The following CAPSL variants were observed in gnomAD, a reference collection of about 807,000 sequenced individuals.
CAPSL encodes the protein calcyphosine like.
In CAPSL, 17 loss-of-function variants were observed where a neutral mutation model predicts 21.3. The ratio of observed to expected loss-of-function variants is 0.80; its 90% CI spans 0.55 to 1.20. The LOEUF (loss-of-function observed/expected upper bound fraction) is 1.20, where lower values mean the gene tolerates loss of function less well. Among genes scored for constraint, CAPSL ranks in the 50% most tolerant of loss-of-function variants. CAPSL has a pLI of 0.00. For missense variants in CAPSL, 289 were observed against 259.3 expected, an observed-to-expected ratio of 1.11 and a Z score of -0.79; for synonymous variants, 102 against 89.3, an observed-to-expected ratio of 1.14 and a Z score of -0.80.
rs557895881 is a variant in CAPSL at position 35,905,535 on chromosome 5, C to A, written c.526-889G>T. ...TTCCCACTAAAAACATAAGGAAGGG[C>A]AGTAGAAAGAAAGGCATTTGAACTC... is the stretch of plus-strand genomic sequence containing the variant. On this transcript the variant is annotated intron_variant, in intron 4 of 4. Coordinates refer to ENST00000651391, the MANE Select transcript of CAPSL (RefSeq NM_001042625.2). 7.2e-5 allele frequency among the ~76,000 whole-genome samples: 11 copies of A among 152,280 alleles called. No individual in the cohort carries two copies. The East Asian group carries it at 2.1e-3, about 29-fold the overall frequency.
intron 2 of CAPSL, among the ~76,000 whole-genome samples, chr5:35,915,704 C>T (rs1407959213): frequency 5.3e-5 from 8 of 152,128 alleles, no homozygotes; most frequent in Non-Finnish European, 7.3e-5. Context: ...ATTGATGGGA[C>T]GTTATCTCAA....
intron 1 of CAPSL, among the ~76,000 whole-genome samples, chr5:35,934,140 A>G (rs921412571): frequency 6.6e-6 from 1 of 152,236 alleles, no homozygotes; most frequent in Admixed American, 6.5e-5. Flanking sequence ...AATAAAGAGC[A>G]ACATGTTACA....
chr5:35,937,289 A>G (rs1172125204), intron 1 of CAPSL, among the ~76,000 whole-genome samples: 1 of 152,256 alleles, frequency 6.6e-6, no homozygotes, highest in African/African-American at 2.4e-5. Flanking sequence ...CCCCCATTGC[A>G]TACAGGTAAA....
At chr5:35,915,124 T>A (rs1162367738) in intron 2 of CAPSL, among the ~76,000 whole-genome samples, 1 of 152,146 alleles carries the variant, frequency 6.6e-6, no homozygotes, top group Non-Finnish European at 1.5e-5. Context: ...AATGGATAAA[T>A]TCCTCAACAC....
intron 2 of CAPSL, among the ~76,000 whole-genome samples, chr5:35,912,874 G>A (rs939797418): frequency 6.6e-6 from 1 of 152,174 alleles, no homozygotes; most frequent in African/African-American, 2.4e-5. Context: ...ACTTTAACAA[G>A]TTGACAGAAG....
At chr5:35,925,158 G>A (rs1211944812) in intron 1 of CAPSL, among the ~76,000 whole-genome samples, 2 of 152,254 alleles carry the variant, frequency 1.3e-5, no homozygotes, top group African/African-American at 2.4e-5. Flanking sequence ...ACACAGGTCT[G>A]CTAAGAGCTC....
chr5:35,920,489 G>A (rs181165007), intron 2 of CAPSL, among the ~76,000 whole-genome samples: 36 of 152,244 alleles, frequency 2.4e-4, no homozygotes, highest in African/African-American at 7.7e-4. Context: ...GGGAGAACAG[G>A]AGCTACCCAG....
intron 2 of CAPSL, among the ~76,000 whole-genome samples, chr5:35,913,096 G>A (rs1738276276): frequency 6.6e-6 from 1 of 152,354 alleles, no homozygotes; most frequent in East Asian, 1.9e-4. Flanking sequence ...TCAACTGGAA[G>A]AAAGGGTATC....
intron 1 of CAPSL, among the ~76,000 whole-genome samples, chr5:35,936,991 T>G (rs141352472): frequency 6.6e-6 from 1 of 152,342 alleles, no homozygotes; most frequent in African/African-American, 2.4e-5. Flanking sequence ...GGTCATTAAC[T>G]GACCATTATC....
intron 1 of CAPSL, among the ~76,000 whole-genome samples, chr5:35,928,213 A>C (rs1015630417): frequency 6.6e-6 from 1 of 152,232 alleles, no homozygotes; most frequent in Non-Finnish European, 1.5e-5. Flanking sequence ...CCTTAATTTC[A>C]TTCAGGAGGG....
chr5:35,916,346 A>C (rs575553434), intron 2 of CAPSL, among the ~76,000 whole-genome samples: 62 of 152,096 alleles, frequency 4.1e-4, no homozygotes, highest in Non-Finnish European at 8.7e-4. Context: ...CTTTCTTCAC[A>C]GAATTGGAAA....
intron 1 of CAPSL, among the ~76,000 whole-genome samples, chr5:35,928,783 CCAGT>C (rs1445599499): frequency 1.3e-5 from 2 of 152,264 alleles, no homozygotes; most frequent in East Asian, 3.9e-4. Context: ...CAAAGAATTA[CCAGT>C]CAGAGATGTC....
Position 35,931,636 on chromosome 5 carries a change from T to C in CAPSL, c.-1+6905A>G, listed in dbSNP as rs111507293. On this transcript the variant is annotated intron_variant, in intron 1 of 4. Transcript: ENST00000651391. ...GTTTTTACAAAGAAATAACTTACAATGTATTCTGAGTTAGGTCAACCTGCT... is the reference window on the plus strand; with the variant it reads ...GTTTTTACAAAGAAATAACTTACAACGTATTCTGAGTTAGGTCAACCTGCT... Among the ~76,000 whole-genome samples the C allele has an allele frequency of 6.6e-5, 10 of 152,250 alleles. 1 individual carries two copies. The highest frequency in any genetic ancestry group is 2.4e-4 in the African/African-American group (10 of 41,530).
chr5:35,925,641 C>A (rs959762971), intron 1 of CAPSL, among the ~76,000 whole-genome samples: 5 of 151,804 alleles, frequency 3.3e-5, no homozygotes, highest in Non-Finnish European at 7.4e-5. Context: ...CTCCTGAGAG[C>A]AACAGGAGAC....
At chr5:35,931,390 C>T (rs2149933155) in intron 1 of CAPSL, among the ~76,000 whole-genome samples, 1 of 151,146 alleles carries the variant, frequency 6.6e-6, no homozygotes, top group South Asian at 2.1e-4. Flanking sequence ...GCAAAATAAA[C>T]AGCTTAGCAT....
At chr5:35,906,087 G>A (rs1167752413) in intron 4 of CAPSL, among the ~76,000 whole-genome samples, 5 of 152,160 alleles carry the variant, frequency 3.3e-5, no homozygotes. Context: ...TAAACTAAAA[G>A]AGTTACCCAC....
intron 1 of CAPSL, among the ~76,000 whole-genome samples, chr5:35,931,864 G>T (rs13157282): frequency 0.19 from 28,261 of 152,092 alleles, 2,691 homozygotes; most frequent in Non-Finnish European, 0.2. Flanking sequence ...ATGAAGTCAT[G>T]ACCTCAGACA....
At chr5:35,934,107 T>C (rs1264275142) in intron 1 of CAPSL, among the ~76,000 whole-genome samples, 1 of 152,228 alleles carries the variant, frequency 6.6e-6, no homozygotes, top group Non-Finnish European at 1.5e-5. Context: ...ATGTTTTCTT[T>C]ATACAAAGCT....
At chr5:35,920,638 CT>C (rs1738512288) in intron 2 of CAPSL, among the ~76,000 whole-genome samples, 1 of 152,202 alleles carries the variant, frequency 6.6e-6, no homozygotes, top group African/African-American at 2.4e-5. Flanking sequence ...TCCTTCCTCC[CT>C]CTTCCACCCT....
Sources: allele counts gnomAD v4.1 joint callset (sites outside exome capture counted in the v4.1 genomes callset), GRCh38; gene constraint gnomAD v4.1.1; transcripts MANE v1.5; gene names NCBI Gene and HGNC (gene_info 2026-07-23, HGNC 2026-07-21).